RAB1A: variants seen among roughly 807,000 people sequenced by gnomAD.
RAB1A encodes RAB1A, member RAS oncogene family.
A neutral mutation model predicts 26.0 loss-of-function variants in RAB1A; 2 were observed. That is an observed-to-expected ratio of 0.08 (90% CI 0.03 to 0.24). The LOEUF (loss-of-function observed/expected upper bound fraction) is 0.24. RAB1A is among the 10% of genes least tolerant of loss of function. The pLI is 1.00. For missense variants in RAB1A, 100 were observed against 247.0 expected (o/e 0.40, Z 3.99); for synonymous variants, 84 against 84.9 (o/e 0.99, Z 0.06).
At chr2:65,104,465 T>C (rs1669507386) in intron 2 of RAB1A, among the ~76,000 whole-genome samples, 1 of 152,204 alleles carries the variant, frequency 6.6e-6, no homozygotes, top group African/African-American at 2.4e-5. Flanking sequence ...ACTTGCTGCC[T>C]ATATTGGAAC....
rs1161145185 is a variant in RAB1A at position 65,102,615 on chromosome 2, GTTCT to G, written c.96+2115_96+2118del. ...TTCTGTTCTAATCTGTCTGTTAGCTGTTCTTTCAAGTTAAAAAAAAAAAAAAAAA... is the reference window on the plus strand; with the variant it reads ...TTCTGTTCTAATCTGTCTGTTAGCTGTTCAAGTTAAAAAAAAAAAAAAAAA... On this transcript the variant is annotated intron_variant, in intron 2 of 5. Coordinates refer to ENST00000409784, the MANE Select transcript of RAB1A (RefSeq NM_004161.5). Among the ~76,000 whole-genome samples the G allele has an allele frequency of 2.4e-5, 3 of 126,084 alleles. No homozygotes were observed. The Admixed American group carries it at 2.7e-4, about 11-fold the overall frequency. The allele number at this position is 126,084 out of a possible 152,430, so 82.7% of individuals were successfully genotyped here. A position where few individuals can be genotyped will look rare whatever the true frequency, so the allele number is the denominator to read the frequency against.
chr2:65,089,309 C>T (rs952693406), intron 4 of RAB1A, among the ~76,000 whole-genome samples: 2 of 152,090 alleles, frequency 1.3e-5, no homozygotes, highest in Admixed American at 6.5e-5. Flanking sequence ...ACCTCCCAAG[C>T]TCAAGCCATC....
At chr2:65,125,964 G>A (rs968389029) in intron 1 of RAB1A, among the ~76,000 whole-genome samples, 5 of 134,904 alleles carry the variant, frequency 3.7e-5, no homozygotes, top group Non-Finnish European at 7.7e-5. Flanking sequence ...CTCCACCTCC[G>A]AGGTTCAAGA....
At chr2:65,109,702 T>C (rs1573079515) in intron 1 of RAB1A, among the ~76,000 whole-genome samples, 2 of 136,006 alleles carry the variant, frequency 1.5e-5, no homozygotes, top group African/African-American at 2.8e-5. Flanking sequence ...AGAGCGAGAC[T>C]CCATCTCAAA....
intron 4 of RAB1A, 61 bp from the exon 5 acceptor site, chr2:65,089,131 A>C: frequency 6.9e-7 from 1 of 1,445,424 alleles, no homozygotes. Context: ...GAATAAACAG[A>C]AACATCGTTC....
intron 1 of RAB1A, among the ~76,000 whole-genome samples, chr2:65,122,320 G>C (rs1669984253): frequency 6.6e-6 from 1 of 151,694 alleles, no homozygotes; most frequent in South Asian, 2.1e-4. Context: ...AGCTGAGGCA[G>C]GTGGATCTCG....
intron 1 of RAB1A, among the ~76,000 whole-genome samples, chr2:65,121,235 G>GAAAA (rs34280362): frequency 4.4e-5 from 4 of 91,380 alleles, no homozygotes; most frequent in Admixed American, 1.3e-4. Flanking sequence ...ATCATGTCTC[G>GAAAA]AAAAAAAAAA....
chr2:65,092,049 C>T (rs547415475), intron 3 of RAB1A, among the ~76,000 whole-genome samples: 90 of 152,210 alleles, frequency 5.9e-4, no homozygotes, highest in African/African-American at 1.2e-3. Flanking sequence ...CCGAGACGGG[C>T]GGATTACGAG....
Position 65,102,554 on chromosome 2 carries a change from T to C in RAB1A, c.96+2180A>G, listed in dbSNP as rs574195022. Among the ~76,000 whole-genome samples, 12 of 151,824 alleles carry C rather than the reference T, an allele frequency of 7.9e-5. No individual in the cohort carries two copies. In the East Asian group the frequency reaches 2.3e-3, roughly 29 times the overall value. ...GCAGCTACTTCCCTTGAAATGACTA[T>C]CACAGTTCATCTGAGAAAATCTGTC... On this transcript the variant is annotated intron_variant, in intron 2 of 5. Coordinates refer to ENST00000409784, the MANE Select transcript of RAB1A (RefSeq NM_004161.5).
At chr2:65,126,951 G>A (rs1573096267) in intron 1 of RAB1A, among the ~76,000 whole-genome samples, 1 of 152,086 alleles carries the variant, frequency 6.6e-6, no homozygotes, top group South Asian at 2.1e-4. Flanking sequence ...ATTGCTCACT[G>A]CCCTTGTGAC....
At chr2:65,106,507 T>C (rs1255567548) in intron 1 of RAB1A, 1 of 202,414 alleles carries the variant, frequency 4.9e-6, no homozygotes, top group South Asian at 5.9e-5. Flanking sequence ...ATGATATGCA[T>C]TACTTAAAAC....
intron 1 of RAB1A, among the ~76,000 whole-genome samples, chr2:65,128,445 T>C (rs76262241): frequency 0.054 from 8,168 of 152,254 alleles, 316 homozygotes; most frequent in Middle Eastern, 0.095. Context: ...AAACCAACTT[T>C]GTCCTTGGAG....
At chr2:65,110,594 T>A (rs992521490) in intron 1 of RAB1A, among the ~76,000 whole-genome samples, 1 of 152,094 alleles carries the variant, frequency 6.6e-6, no homozygotes, top group Non-Finnish European at 1.5e-5. Context: ...TAACACATGC[T>A]GAAGAAATGA....
At chr2:65,127,530 C>T (rs1178684492) in intron 1 of RAB1A, among the ~76,000 whole-genome samples, 1 of 152,166 alleles carries the variant, frequency 6.6e-6, no homozygotes, top group Admixed American at 6.5e-5. Context: ...AGTTTGAGAC[C>T]AGCCTGACCA....
At chr2:65,092,801 A>C (rs1469989008) in intron 3 of RAB1A, among the ~76,000 whole-genome samples, 1 of 152,142 alleles carries the variant, frequency 6.6e-6, no homozygotes, top group African/African-American at 2.4e-5. Flanking sequence ...ATCTCATCTC[A>C]AGTTGTAATC....
chr2:65,123,083 C>T (rs1670008122), intron 1 of RAB1A, among the ~76,000 whole-genome samples: 1 of 24,468 alleles, frequency 4.1e-5, no homozygotes, highest in Non-Finnish European at 7.0e-5. Flanking sequence ...CAAAACTACC[C>T]AGAAGAGAAA....
intron 3 of RAB1A, among the ~76,000 whole-genome samples, chr2:65,095,186 T>C (rs575003258): frequency 6.6e-6 from 1 of 152,132 alleles, no homozygotes; most frequent in African/African-American, 2.4e-5. Flanking sequence ...AGAGGTTTTG[T>C]GGTTTTTTTT....
chr2:65,097,530 A>C lies in RAB1A; in HGVS notation c.192+441T>G, dbSNP rs534992588. Among the ~76,000 whole-genome samples the C allele has an allele frequency of 5.9e-5, 9 of 152,328 alleles. No individual in the cohort carries two copies. The South Asian group carries it at 1.9e-3, about 32-fold the overall frequency. On this transcript the variant is annotated intron_variant, in intron 3 of 5. Transcript: ENST00000409784. ...TGTTTCTACAGAGTTGGTGCACACT[A>C]TCTAATAAAAATACTTAGAACTACA...
rs184496785 is a variant in RAB1A at position 65,103,865 on chromosome 2, G to A, written c.96+869C>T. On this transcript the variant is annotated intron_variant, in intron 2 of 5. Coordinates refer to ENST00000409784, the MANE Select transcript of RAB1A (RefSeq NM_004161.5). Reference sequence around the variant, plus strand: ...ACCATCTCAGCTCACTGCAACCTCCGCCTCCTGGGTTCAAGCGATTCTCCT... The same window carrying A: ...ACCATCTCAGCTCACTGCAACCTCCACCTCCTGGGTTCAAGCGATTCTCCT... Among the ~76,000 whole-genome samples, 1,486 of 151,758 alleles carry A rather than the reference G, an allele frequency of 9.8e-3. 12 individuals carry two copies. The highest frequency in any genetic ancestry group is 0.031 in the South Asian group (147 of 4,808).
Sources: allele counts gnomAD v4.1 joint callset (sites outside exome capture counted in the v4.1 genomes callset), GRCh38; gene constraint gnomAD v4.1.1; transcripts MANE v1.5; gene names NCBI Gene and HGNC (gene_info 2026-07-23, HGNC 2026-07-21).